The following LMX1B variants were observed in gnomAD, a reference collection of about 807,000 sequenced individuals.
LMX1B encodes LIM homeobox transcription factor 1-beta.
In LMX1B, 12 loss-of-function variants were observed where a neutral mutation model predicts 51.4. The ratio of observed to expected loss-of-function variants is 0.23; its 90% confidence interval spans 0.15 to 0.38. The LOEUF (loss-of-function observed/expected upper bound fraction) is 0.38. LMX1B is among the 10% of genes least tolerant of loss of function. The probability of loss-of-function intolerance (pLI) is 1.00; values close to 1 mark genes in which losing one functional copy is unlikely to be tolerated. For synonymous variants in LMX1B, 237 were observed against 235.4 expected, an observed-to-expected ratio of 1.01 and a Z score of -0.06; for missense variants, 445 against 571.1, an observed-to-expected ratio of 0.78 and a Z score of 2.25.
At chr9:126,636,817 G>T (rs913226979) in intron 2 of LMX1B, among the ~76,000 whole-genome samples, 5 of 152,198 alleles carry the variant, frequency 3.3e-5, no homozygotes, top group African/African-American at 1.2e-4. Flanking sequence ...GTGAATATGT[G>T]CAGTTCAGAT....
intron 2 of LMX1B, among the ~76,000 whole-genome samples, chr9:126,687,931 C>T (rs923710412): frequency 4.6e-5 from 7 of 152,186 alleles, no homozygotes; most frequent in Non-Finnish European, 5.9e-5. Context: ...TCCCCAACCC[C>T]TCCCATACAC....
chr9:126,620,689 C>T (rs1474894747), intron 2 of LMX1B, among the ~76,000 whole-genome samples: 5 of 151,866 alleles, frequency 3.3e-5, no homozygotes, highest in South Asian at 2.1e-4. Flanking sequence ...TGGGGGCAGA[C>T]GGAGGGTGGC....
At chr9:126,628,402 C>T (rs1252631844) in intron 2 of LMX1B, among the ~76,000 whole-genome samples, 2 of 152,114 alleles carry the variant, frequency 1.3e-5, no homozygotes, top group East Asian at 1.9e-4. Flanking sequence ...ATTAGCCAAT[C>T]CTGGGGGAAA....
chr9:126,682,569 G>A (rs1385257962), intron 2 of LMX1B, among the ~76,000 whole-genome samples: 1 of 152,234 alleles, frequency 6.6e-6, no homozygotes, highest in East Asian at 1.9e-4. Context: ...CCCGCCTCCA[G>A]ACAGCGCCGG....
intron 2 of LMX1B, among the ~76,000 whole-genome samples, chr9:126,672,335 C>T (rs975543644): frequency 6.6e-6 from 1 of 152,252 alleles, no homozygotes; most frequent in Non-Finnish European, 1.5e-5. Context: ...GGGCCTCCCT[C>T]ACAGGCTCTA....
Position 126,626,964 on chromosome 9 carries a change from A to G in LMX1B, c.326+11395A>G, listed in dbSNP as rs1835546326. Among the ~76,000 whole-genome samples, 3 of 152,290 alleles carry G rather than the reference A, an allele frequency of 2.0e-5. No homozygotes were observed. Among genetic ancestry groups the G allele is most frequent in the African/African-American group, 4.8e-5 (2 of 41,566 alleles). ...CGCCGGTCCGTCCGGGCTCCTCTGC[A>G]GGGAAGAGGCCTTGGTCTTGGGGGA... On this transcript the variant is annotated intron_variant, in intron 2 of 7. Coordinates refer to ENST00000373474, the MANE Select transcript of LMX1B (RefSeq NM_001174147.2). This position sits in a 1 kb window ranked among gnomAD's most constrained non-coding sequence, Gnocchi z 4.3.
At chr9:126,637,516 A>G (rs1344848770) in intron 2 of LMX1B, among the ~76,000 whole-genome samples, 2 of 151,942 alleles carry the variant, frequency 1.3e-5, no homozygotes, top group African/African-American at 4.8e-5. Context: ...TGTGGCATAC[A>G]GGTTCATCCT....
At chr9:126,628,616 A>G (rs547689810) in intron 2 of LMX1B, among the ~76,000 whole-genome samples, 7 of 152,296 alleles carry the variant, frequency 4.6e-5, no homozygotes, top group Admixed American at 3.9e-4. Context: ...CTGAAGCGAA[A>G]TTAATTACCC....
At chr9:126,644,578 C>T (rs972009043) in intron 2 of LMX1B, among the ~76,000 whole-genome samples, 2 of 152,128 alleles carry the variant, frequency 1.3e-5, no homozygotes, top group South Asian at 2.1e-4. Context: ...CCCCATGGCC[C>T]CCTGCATTGT....
At chr9:126,638,696 G>A (rs534697736) in intron 2 of LMX1B, among the ~76,000 whole-genome samples, 8 of 152,294 alleles carry the variant, frequency 5.3e-5, no homozygotes, top group African/African-American at 1.9e-4. Context: ...GCGGCGGCTC[G>A]GAGCTCCCAT....
chr9:126,697,845 TTTTG>T lies in LMX1B; in HGVS notation c.*1398_*1401del, dbSNP rs1379371928. On this transcript the variant is annotated 3_prime_UTR_variant, in exon 8 of 8. Transcript: ENST00000373474. ...CAGGATGGGGGCACCTACTGTTTTG[TTTTG>T]TTTTGTTTTGTTTTGTTTTGTTTTG... 2 of 116,394 alleles carry T rather than the reference TTTTG, an allele frequency of 1.7e-5. No homozygotes were observed. Among genetic ancestry groups the T allele is most frequent in the African/African-American group, 7.6e-5 (2 of 26,378 alleles). 7.2% of individuals were successfully genotyped at this position (116,394 alleles called of 1,614,324 possible).
intron 2 of LMX1B, among the ~76,000 whole-genome samples, chr9:126,623,225 C>A (rs1322236650): frequency 6.6e-6 from 1 of 152,178 alleles, no homozygotes; most frequent in Non-Finnish European, 1.5e-5. Flanking sequence ...GGGCATGGGG[C>A]CGGTCTGGAT....
intron 2 of LMX1B, among the ~76,000 whole-genome samples, chr9:126,652,701 T>TGCTTG (rs1386918052): frequency 1.3e-5 from 2 of 152,202 alleles, no homozygotes; most frequent in Non-Finnish European, 1.5e-5. Flanking sequence ...GACTGGGCAC[T>TGCTTG]GCTTGGCGTC....
intron 2 of LMX1B, among the ~76,000 whole-genome samples, chr9:126,652,043 G>T (rs1394583478): frequency 1.3e-5 from 2 of 151,946 alleles, no homozygotes; most frequent in African/African-American, 2.4e-5. Flanking sequence ...AGGCTTGGGG[G>T]TCCCAACAGC....
chr9:126,620,979 C>T (rs999689441), intron 2 of LMX1B, among the ~76,000 whole-genome samples: 5 of 152,134 alleles, frequency 3.3e-5, no homozygotes, highest in African/African-American at 7.2e-5. Context: ...AACACCATTC[C>T]AGGAACTCAG....
intron 2 of LMX1B, among the ~76,000 whole-genome samples, chr9:126,675,149 A>G (rs1476899205): frequency 6.6e-6 from 1 of 150,888 alleles, no homozygotes; most frequent in Non-Finnish European, 1.5e-5. Flanking sequence ...AATCCCAATC[A>G]GTCCTCATTA....
At chr9:126,636,780 C>T (rs1209544009) in intron 2 of LMX1B, among the ~76,000 whole-genome samples, 3 of 152,150 alleles carry the variant, frequency 2.0e-5, no homozygotes, top group Non-Finnish European at 4.4e-5. Flanking sequence ...GCATCCGGCA[C>T]AGGGAATGGC....
At chr9:126,690,125 G>A (rs1374680233) in intron 2 of LMX1B, among the ~76,000 whole-genome samples, 2 of 152,226 alleles carry the variant, frequency 1.3e-5, no homozygotes, top group Non-Finnish European at 2.9e-5. Flanking sequence ...GCCTGGGGAA[G>A]CAGAGGGTAG....
intron 2 of LMX1B, among the ~76,000 whole-genome samples, chr9:126,684,782 G>A (rs561641189): frequency 5.9e-5 from 9 of 152,150 alleles, no homozygotes; most frequent in African/African-American, 2.2e-4. Flanking sequence ...AGGGGATGAG[G>A]GTGCTTTTGG....
Sources: allele counts gnomAD v4.1 joint callset (sites outside exome capture counted in the v4.1 genomes callset), GRCh38; gene constraint gnomAD v4.1.1; non-coding constraint Gnocchi (gnomAD v3.1); transcripts MANE v1.5; gene names NCBI Gene and HGNC (gene_info 2026-07-23, HGNC 2026-07-21).